The following IRAK1BP1 variants were observed in gnomAD, a reference collection of about 807,000 sequenced individuals.
IRAK1BP1 encodes interleukin-1 receptor-associated kinase 1-binding protein 1.
IRAK1BP1 carries 24 observed loss-of-function variants against 28.0 expected under a neutral mutation model. The observed-to-expected ratio is 0.86, with a 90% CI of 0.62 to 1.20. The LOEUF (loss-of-function observed/expected upper bound fraction) is 1.20. Ranked by LOEUF, IRAK1BP1 falls within the 50% of genes most tolerant of loss-of-function variation. The probability of loss-of-function intolerance (pLI) is 0.00; values close to 1 mark genes in which losing one functional copy is unlikely to be tolerated. For synonymous variants in IRAK1BP1, 131 were observed against 116.3 expected (o/e 1.13, Z -0.81); for missense variants, 336 against 316.7 (o/e 1.06, Z -0.46).
At chr6:78,950,345 G>A (rs1241152488), downstream of IRAK1BP1, among the ~76,000 whole-genome samples, 1 of 152,160 alleles carries the variant, frequency 6.6e-6, no homozygotes, top group East Asian at 1.9e-4. Flanking sequence ...TTTGAGATCA[G>A]GGGAACACTG....
At chr6:78,905,953 G>C (rs1471134966), downstream of IRAK1BP1, among the ~76,000 whole-genome samples, 2 of 152,108 alleles carry the variant, frequency 1.3e-5, no homozygotes, top group African/African-American at 4.8e-5. Context: ...CAATACATCT[G>C]TACCTAAGTG....
chr6:78,939,474 C>G (rs1368912700), intron 4 of IRAK1BP1: 2 of 151,588 alleles, frequency 1.3e-5, no homozygotes, highest in African/African-American at 4.8e-5. Flanking sequence ...ACCAATTTCC[C>G]CCTTAAAATT....
At chr6:78,958,673 A>G in the IRAK1BP1 span, 2 of 907,808 alleles carry the variant, frequency 2.2e-6, no homozygotes, top group Middle Eastern at 2.4e-4. Context: ...TAAAACCAAG[A>G]CATTCCAACT....
chr6:78,885,586 A>T (rs1228086263), intron 2 of IRAK1BP1, 143 bp downstream of exon 2: 2 of 490,236 alleles, frequency 4.1e-6, no homozygotes, highest in Non-Finnish European at 3.7e-6. Context: ...GGTGTTATAT[A>T]TCTATTTCGG....
chr6:78,941,018 C>G, intron 4 of IRAK1BP1: 1 of 1,613,852 alleles, frequency 6.2e-7, no homozygotes. Context: ...TTTGGGCTTC[C>G]TACCTCCACG....
At chr6:78,971,455 G>C in the IRAK1BP1 span, among the ~76,000 whole-genome samples, 6 of 152,178 alleles carry the variant, frequency 3.9e-5, no homozygotes, top group Non-Finnish European at 8.8e-5. Context: ...TAAGTTTTTA[G>C]TAACATTTTG....
At chr6:78,973,180 C>T in the IRAK1BP1 span, among the ~76,000 whole-genome samples, 1 of 152,116 alleles carries the variant, frequency 6.6e-6, no homozygotes, top group African/African-American at 2.4e-5. Flanking sequence ...GCGGATCTCT[C>T]AGCAGAAACT....
chr6:78,963,476 A>G, the IRAK1BP1 span, among the ~76,000 whole-genome samples: 1 of 152,154 alleles, frequency 6.6e-6, no homozygotes, highest in Non-Finnish European at 1.5e-5. Context: ...ACTTCTCCAA[A>G]ATTATACCTG....
Position 78,941,379 on chromosome 6 carries a change from T to C in IRAK1BP1, c.*68-4029T>C, listed in dbSNP as rs200296980. 3.7e-4 allele frequency: 533 copies of C among 1,428,708 alleles called. 3 individuals carry two copies. In the African/African-American group the frequency reaches 5.8e-3, roughly 15 times the overall value. The allele number at this position is 1,428,708 out of a possible 1,614,324, so 88.5% of individuals were successfully genotyped here. A position where few individuals can be genotyped will look rare whatever the true frequency, so the allele number is the denominator to read the frequency against. On this transcript the variant is annotated intron_variant and NMD_transcript_variant, in intron 4 of 4. Transcript: ENST00000606868. ...TAATATATGGAGTTTCTTTTTTTGTTTGACTCTCAAACTTGTCAGTAAGGC... is the reference window on the plus strand; with the variant it reads ...TAATATATGGAGTTTCTTTTTTTGTCTGACTCTCAAACTTGTCAGTAAGGC...
At chr6:78,911,718 A>G (rs1283191004) in intron 4 of IRAK1BP1, among the ~76,000 whole-genome samples, 1 of 152,186 alleles carries the variant, frequency 6.6e-6, no homozygotes, top group East Asian at 1.9e-4. Flanking sequence ...GCAATTTATT[A>G]TCTGAGTACT....
intron 1 of IRAK1BP1, among the ~76,000 whole-genome samples, chr6:78,874,090 C>A (rs1371830547): frequency 1.3e-5 from 2 of 152,200 alleles, no homozygotes; most frequent in African/African-American, 4.8e-5. Context: ...CATTCCCAAG[C>A]CTTACATCTT....
chr6:78,974,913 G>C, the IRAK1BP1 span, among the ~76,000 whole-genome samples: 1 of 151,870 alleles, frequency 6.6e-6, no homozygotes, highest in South Asian at 2.1e-4. Context: ...TCCAGGATCA[G>C]ATGGATTCAC....
At chr6:78,953,320 T>C in the IRAK1BP1 span, among the ~76,000 whole-genome samples, 1 of 152,200 alleles carries the variant, frequency 6.6e-6, no homozygotes, top group Non-Finnish European at 1.5e-5. Context: ...GCCCAAGGAC[T>C]CAATTATCTC....
chr6:78,878,846 T>G (rs1483646999), intron 1 of IRAK1BP1, among the ~76,000 whole-genome samples: 2 of 152,146 alleles, frequency 1.3e-5, no homozygotes, highest in African/African-American at 2.4e-5. Context: ...AAGAACTACG[T>G]GACGCATGCA....
rs979166053 is a variant in IRAK1BP1, at chr6:78,902,869, A to G, written c.*4535A>G. The G allele has an allele frequency of 1.3e-5, 8 of 619,998 alleles. No homozygotes were observed. The Admixed American group carries it at 2.3e-4, about 18-fold the overall frequency. The allele number at this position is 619,998 out of a possible 1,614,324, so 38.4% of individuals were successfully genotyped here. On this transcript the variant is annotated 3_prime_UTR_variant, in exon 4 of 4. Transcript: ENST00000369940. Reference sequence around the variant, plus strand: ...ACTGTAGTTCACAGTGGGTAATTCAAATCAGACACTGCTCTTCAAGAGAGG... The same window carrying G: ...ACTGTAGTTCACAGTGGGTAATTCAGATCAGACACTGCTCTTCAAGAGAGG...
chr6:78,946,297 C>A (rs1231403404), exon 5 of IRAK1BP1: 1 of 1,565,120 alleles, frequency 6.4e-7, no homozygotes, highest in Non-Finnish European at 8.7e-7. Context: ...ACTCTTATAG[C>A]TCTATGTGAA....
At chr6:78,870,142 A>G (rs1255859884) in intron 1 of IRAK1BP1, among the ~76,000 whole-genome samples, 1 of 92,664 alleles carries the variant, frequency 1.1e-5, no homozygotes, top group African/African-American at 4.1e-5. Context: ...AAAAAAAAAG[A>G]TGGAGCCTGA....
At chr6:78,958,325 A>C in the IRAK1BP1 span, 1 of 528,396 alleles carries the variant, frequency 1.9e-6, no homozygotes, top group Non-Finnish European at 3.4e-6. Context: ...AGAGACCTTT[A>C]GATCTTCAGT....
the IRAK1BP1 span, among the ~76,000 whole-genome samples, chr6:78,969,332 G>A: frequency 6.6e-6 from 1 of 152,166 alleles, no homozygotes. Flanking sequence ...AAATTTTTAA[G>A]AGAACTACTC....
Sources: allele counts gnomAD v4.1 joint callset (sites outside exome capture counted in the v4.1 genomes callset), GRCh38; gene constraint gnomAD v4.1.1; transcripts MANE v1.5; gene names NCBI Gene and HGNC (gene_info 2026-07-23, HGNC 2026-07-21).